MTMR7: variants seen among roughly 807,000 people sequenced by gnomAD.
MTMR7 encodes the protein phosphatidylinositol-3-phosphate phosphatase MTMR7.
In MTMR7, 76 loss-of-function variants were observed where a neutral mutation model predicts 81.2. The ratio of observed to expected loss-of-function variants is 0.94; its 90% confidence interval spans 0.78 to 1.13. The LOEUF is 1.13. Among genes scored for constraint, MTMR7 ranks in the 50% most tolerant of loss-of-function variants. The pLI, the probability that MTMR7 is intolerant of heterozygous loss-of-function variation, is 0.00. For missense variants in MTMR7, 1,044 were observed against 820.0 expected, an observed-to-expected ratio of 1.27 and a Z score of -3.34; for synonymous variants, 372 against 289.8, an observed-to-expected ratio of 1.28 and a Z score of -2.88.
intron 7 of MTMR7, among the ~76,000 whole-genome samples, chr8:17,318,505 C>T (rs996928881): frequency 2.0e-5 from 3 of 152,250 alleles, no homozygotes; most frequent in East Asian, 3.9e-4. Context: ...GGAGGATGGA[C>T]GGCTCCCACA....
chr8:17,303,801 G>C (rs1001875722), intron 12 of MTMR7, among the ~76,000 whole-genome samples: 2 of 151,990 alleles, frequency 1.3e-5, no homozygotes, highest in East Asian at 1.9e-4. Flanking sequence ...GTAGAGACTG[G>C]GTCTCCCCAT....
chr8:17,411,231 T>C (rs187658294), intron 1 of MTMR7, among the ~76,000 whole-genome samples: 1 of 152,368 alleles, frequency 6.6e-6, no homozygotes, highest in East Asian at 1.9e-4. Flanking sequence ...TTTATTACAA[T>C]ATATATTTAT....
intron 7 of MTMR7, among the ~76,000 whole-genome samples, chr8:17,329,440 G>A (rs1818877410): frequency 1.3e-5 from 2 of 152,166 alleles, no homozygotes; most frequent in African/African-American, 2.4e-5. Flanking sequence ...TCCAGAACTT[G>A]GTCAGTTTGC....
intron 3 of MTMR7, among the ~76,000 whole-genome samples, chr8:17,368,022 G>A (rs982982767): frequency 6.6e-6 from 1 of 151,876 alleles, no homozygotes; most frequent in Non-Finnish European, 1.5e-5. Flanking sequence ...CTGTAGCAGC[G>A]GTCCACAACC....
intron 1 of MTMR7, among the ~76,000 whole-genome samples, chr8:17,383,028 G>A (rs932325138): frequency 8.1e-6 from 1 of 124,182 alleles, no homozygotes; most frequent in African/African-American, 4.4e-5. Flanking sequence ...CCGAGATATG[G>A]GGGGGCCGGG....
At chr8:17,341,148 G>C (rs1819396111) in intron 6 of MTMR7, among the ~76,000 whole-genome samples, 1 of 152,236 alleles carries the variant, frequency 6.6e-6, no homozygotes, top group Non-Finnish European at 1.5e-5. Flanking sequence ...CTAGGGGCAG[G>C]GGAAATATGA....
chr8:17,351,319 G>C (rs1032949412), intron 4 of MTMR7, among the ~76,000 whole-genome samples: 2 of 152,174 alleles, frequency 1.3e-5, no homozygotes, highest in African/African-American at 4.8e-5. Flanking sequence ...GCTCCTGCTA[G>C]GCCCTTTTAT....
chr8:17,341,594 C>A, intron 5 of MTMR7, 97 bp from the exon 6 acceptor site: 1 of 1,418,400 alleles, frequency 7.1e-7, no homozygotes, highest in Admixed American at 2.2e-5. Flanking sequence ...CCTTGGCTCA[C>A]TGATAGTCCA....
intron 1 of MTMR7, among the ~76,000 whole-genome samples, chr8:17,412,801 G>A (rs1028351665): frequency 2.6e-5 from 4 of 152,150 alleles, no homozygotes; most frequent in Admixed American, 6.5e-5. Context: ...GGCCGAGCCG[G>A]GTGGGCCTGA....
At chr8:17,376,170 T>C (rs1323685023) in intron 1 of MTMR7, among the ~76,000 whole-genome samples, 4 of 152,242 alleles carry the variant, frequency 2.6e-5, no homozygotes, top group Non-Finnish European at 1.5e-5. Context: ...AACAGAATCA[T>C]ACAACATGTC....
intron 11 of MTMR7, 84 bp from the exon 12 acceptor site, chr8:17,304,603 CTAA>C (rs1817331011): frequency 2.1e-6 from 3 of 1,436,332 alleles, no homozygotes; most frequent in Admixed American, 3.8e-5. Context: ...TGGAAAGGAA[CTAA>C]TAATTGTTAC....
intron 7 of MTMR7, among the ~76,000 whole-genome samples, chr8:17,318,716 G>C (rs1276561241): frequency 6.6e-6 from 1 of 152,178 alleles, no homozygotes; most frequent in African/African-American, 2.4e-5. Context: ...GTGACGTGAA[G>C]TGGCAGCTGA....
At chr8:17,310,893 T>G (rs1017515789) in intron 9 of MTMR7, among the ~76,000 whole-genome samples, 4 of 152,106 alleles carry the variant, frequency 2.6e-5, no homozygotes, top group Non-Finnish European at 5.9e-5. Context: ...AGTGAAAACT[T>G]CACCATCCCA....
intron 1 of MTMR7, among the ~76,000 whole-genome samples, chr8:17,413,047 G>T (rs1336845586): frequency 6.6e-6 from 1 of 152,306 alleles, no homozygotes; most frequent in Admixed American, 6.5e-5. Flanking sequence ...AAACCAAGAG[G>T]TCAGACCCAG....
At chr8:17,365,697 A>G (rs894518924) in intron 3 of MTMR7, among the ~76,000 whole-genome samples, 5 of 152,180 alleles carry the variant, frequency 3.3e-5, no homozygotes, top group Non-Finnish European at 7.4e-5. Context: ...CTGAATGTGC[A>G]CCTTTAATTT....
intron 1 of MTMR7, among the ~76,000 whole-genome samples, chr8:17,412,006 T>G (rs1384698874): frequency 1.3e-5 from 2 of 152,256 alleles, no homozygotes; most frequent in Admixed American, 1.3e-4. Flanking sequence ...CCACTTAAAC[T>G]CTGAAAGCTT....
chr8:17,364,759 A>G (rs554121657), intron 3 of MTMR7, among the ~76,000 whole-genome samples: 8 of 152,324 alleles, frequency 5.3e-5, no homozygotes, highest in African/African-American at 1.9e-4. Flanking sequence ...TTCCTTTTTA[A>G]GGCTGAATAG....
chr8:17,305,576 A>C (rs927983877), intron 11 of MTMR7, among the ~76,000 whole-genome samples, 181 bp downstream of exon 11: 2 of 152,236 alleles, frequency 1.3e-5, no homozygotes, highest in African/African-American at 4.8e-5. Context: ...TTTATCTGTC[A>C]GTTGATGACA....
chr8:17,314,837 G>A (rs1230613849), intron 7 of MTMR7, among the ~76,000 whole-genome samples: 1 of 152,186 alleles, frequency 6.6e-6, no homozygotes, highest in Non-Finnish European at 1.5e-5. Context: ...CTTTGAATTC[G>A]CTCTGGTTCA....
Sources: allele counts gnomAD v4.1 joint callset (sites outside exome capture counted in the v4.1 genomes callset), GRCh38; gene constraint gnomAD v4.1.1; transcripts MANE v1.5; gene names NCBI Gene and HGNC (gene_info 2026-07-23, HGNC 2026-07-21).